Variants in CCNE2 observed in about 807,000 individuals in gnomAD.
The protein encoded by CCNE2 is G1/S-specific cyclin-E2.
Under a neutral mutation model 56.8 loss-of-function variants are expected in CCNE2, and 18 were observed. That is an observed-to-expected ratio of 0.32 (90% CI 0.22 to 0.47). The LOEUF (loss-of-function observed/expected upper bound fraction) is 0.47, where lower values mean the gene tolerates loss of function less well. Among genes scored for constraint, CCNE2 ranks in the 20% least tolerant of loss-of-function variants. CCNE2 has a pLI of 1.00. For missense variants in CCNE2, 371 were observed against 467.1 expected (o/e 0.79, Z 1.90); for synonymous variants, 139 against 149.2 (o/e 0.93, Z 0.50).
At chr8:94,884,945 T>C in intron 9 of CCNE2, 122 bp downstream of exon 9, 1 of 816,104 alleles carries the variant, frequency 1.2e-6, no homozygotes, top group East Asian at 2.7e-5. Context: ...GTCAAAAGTT[T>C]TGTTCTAGAA....
chr8:94,894,562 G>A, intron 1 of CCNE2: 1 of 297,328 alleles, frequency 3.4e-6, no homozygotes, highest in Non-Finnish European at 6.3e-6. Flanking sequence ...CCTCTCCCCC[G>A]TACACCGGGA....
intron 7 of CCNE2, among the ~76,000 whole-genome samples, 180 bp downstream of exon 7, chr8:94,887,747 A>C (rs551043505): frequency 5.2e-4 from 79 of 152,358 alleles, no homozygotes; most frequent in African/African-American, 1.8e-3. Context: ...GACATTACAG[A>C]GGGAACTATG....
rs1816761520 is a variant in CCNE2 at position 94,880,394 on chromosome 8, A to C, written c.*1238T>G. The C allele has an allele frequency of 6.2e-6, 3 of 484,918 alleles. No homozygotes were observed. Among genetic ancestry groups the C allele is most frequent in the Non-Finnish European group, 1.1e-5 (3 of 272,432 alleles). 30.0% of individuals were successfully genotyped at this position (484,918 alleles called of 1,614,324 possible). A position where few individuals can be genotyped will look rare whatever the true frequency, so the allele number is the denominator to read the frequency against. The stretch of plus-strand genomic sequence containing the variant: ...TTAGTTTAAAAACAAACTATACAGA[A>C]GACTTCATACCGTAACAATAAATGT... On this transcript the variant is annotated 3_prime_UTR_variant, in exon 12 of 12. Transcript: ENST00000308108.
At position 94,880,504 on chromosome 8, in the gene CCNE2, C is replaced by T. The variant is rs1030880828; in HGVS notation, c.*1128G>A. ...TAGTTTTCTAATCTACTTTATGAGG[C>T]TGGATTTTTTTTTTAGAAAAGCTAA... On this transcript the variant is annotated 3_prime_UTR_variant, in exon 12 of 12. Coordinates refer to ENST00000308108, the MANE Select transcript of CCNE2 (RefSeq NM_057749.3). The T allele has an allele frequency of 1.3e-4, 39 of 303,414 alleles. No homozygotes were observed. Among genetic ancestry groups the T allele is most frequent in the Non-Finnish European group, 4.7e-5 (8 of 168,782 alleles). The allele number at this position is 303,414 out of a possible 1,614,324, so 18.8% of individuals were successfully genotyped here. A position where few individuals can be genotyped will look rare whatever the true frequency, so the allele number is the denominator to read the frequency against.
At position 94,882,400 on chromosome 8, in the gene CCNE2, A is replaced by G. The variant is rs534318388; in HGVS notation, c.944-111T>C. 4.8e-6 allele frequency: 4 copies of G among 829,712 alleles called. No homozygotes were observed. In the South Asian group the frequency reaches 8.8e-5, roughly 18 times the overall value. The allele number at this position is 829,712 out of a possible 1,614,324, so 51.4% of individuals were successfully genotyped here. On this transcript the variant is annotated intron_variant, in intron 10 of 11. Transcript: ENST00000308108. Reference sequence around the variant, plus strand: ...TTTGAGATATTTTAAAAGAAACCAAATCATAACCAAGAAGTTTAGCATGTC... The same window carrying G: ...TTTGAGATATTTTAAAAGAAACCAAGTCATAACCAAGAAGTTTAGCATGTC...
In CCNE2 at chr8:94,881,252, G is replaced by T; in HGVS notation, c.*380C>A. The T allele has an allele frequency of 2.8e-6, 1 of 353,904 alleles. No individual in the cohort carries two copies. Among genetic ancestry groups the T allele is most frequent in the Admixed American group, 4.5e-5 (1 of 21,988 alleles). 21.9% of individuals were successfully genotyped at this position (353,904 alleles called of 1,614,324 possible). A position where few individuals can be genotyped will look rare whatever the true frequency, so the allele number is the denominator to read the frequency against. ...TAGATTCAAAGTACTGTATCACTTA[G>T]TATACCCTTTAAGGTAGCACTTATC... On this transcript the variant is annotated 3_prime_UTR_variant, in exon 12 of 12. Transcript: ENST00000308108.
Position 94,882,838 on chromosome 8 carries a change from G to C in CCNE2, c.886C>G (p.Leu296Val). ...IDSLEFQYRILTAAALCHFTS... is the reference protein window; with the variant it reads ...IDSLEFQYRIVTAAALCHFTS... ...AAATGGCACAAGGCAGCAGCAGTCA[G>C]TATTCTGTACTGGAACTCTAATGAA... The change falls in exon 10 of 12, where the codon CTG (leucine) becomes GTG (valine). Residue 296 changes from leucine to valine, a missense_variant. Physicochemically the swap from Leu to Val is conservative, Grantham distance 32. Coordinates refer to ENST00000308108, the MANE Select transcript of CCNE2 (RefSeq NM_057749.3). 1 of 1,613,878 alleles carries C rather than the reference G, an allele frequency of 6.2e-7. No individual in the cohort carries two copies. The highest frequency in any genetic ancestry group is 8.5e-7 in the Non-Finnish European group (1 of 1,179,860).
chr8:94,894,997 C>G (rs1186363173), intron 1 of CCNE2, among the ~76,000 whole-genome samples, 180 bp downstream of exon 1: 1 of 152,164 alleles, frequency 6.6e-6, no homozygotes, highest in African/African-American at 2.4e-5. Context: ...CATGCCCAGC[C>G]GCTTCCCGGT....
upstream of CCNE2, chr8:94,895,331 G>T: frequency 1.1e-6 from 1 of 890,296 alleles, no homozygotes; most frequent in Non-Finnish European, 1.3e-6. Flanking sequence ...CGCGCGCCGC[G>T]CCCTGCTCTC....
At chr8:94,891,642 C>T (rs964161136) in intron 5 of CCNE2, 1 of 450,364 alleles carries the variant, frequency 2.2e-6, no homozygotes, top group African/African-American at 2.3e-5. Context: ...TGGGCAACAA[C>T]AGCAAACCTC....
Position 94,892,806 on chromosome 8 carries a change from A to G in CCNE2, c.317+12T>C, listed in dbSNP as rs200858036. On this transcript the variant is annotated intron_variant, in intron 5 of 11. Coordinates refer to ENST00000308108, the MANE Select transcript of CCNE2 (RefSeq NM_057749.3). The stretch of plus-strand genomic sequence containing the variant: ...TATATCTTTGAAATAAAATTACTGA[A>G]ATTTTTCTTACCTTAAATCAGGCAA... 3.0e-6 allele frequency: 4 copies of G among 1,315,556 alleles called. No individual in the cohort carries two copies. Among genetic ancestry groups the G allele is most frequent in the Non-Finnish European group, 4.1e-6 (4 of 966,000 alleles). 81.5% of individuals were successfully genotyped at this position (1,315,556 alleles called of 1,614,324 possible). A position where few individuals can be genotyped will look rare whatever the true frequency, so the allele number is the denominator to read the frequency against.
In CCNE2 at chr8:94,892,803, T is replaced by C; in HGVS notation, c.317+15A>G. The stretch of plus-strand genomic sequence containing the variant: ...CTTTATATCTTTGAAATAAAATTAC[T>C]GAAATTTTTCTTACCTTAAATCAGG... On this transcript the variant is annotated intron_variant, in intron 5 of 11. Transcript: ENST00000308108. The C allele has an allele frequency of 1.5e-6, 2 of 1,301,678 alleles. No homozygotes were observed. The highest frequency in any genetic ancestry group is 2.1e-6 in the Non-Finnish European group (2 of 953,458). 80.6% of individuals were successfully genotyped at this position (1,301,678 alleles called of 1,614,324 possible).
rs1319860490 is a variant in CCNE2 at position 94,885,267 on chromosome 8, A to G, written c.697-66T>C. 12 of 1,454,336 alleles carry G rather than the reference A, an allele frequency of 8.3e-6. No homozygotes were observed. In the Admixed American group the frequency reaches 1.2e-4, roughly 15 times the overall value. 90.1% of individuals were successfully genotyped at this position (1,454,336 alleles called of 1,614,324 possible). ...ACACATACACCACATTATACAGCAG[A>G]GCTTAGAGGTTAAGTACATTCCCCA... is the stretch of plus-strand genomic sequence containing the variant. On this transcript the variant is annotated intron_variant, in intron 8 of 11. Coordinates refer to ENST00000308108, the MANE Select transcript of CCNE2 (RefSeq NM_057749.3).
chr8:94,895,794 T>C (rs1256993219), upstream of CCNE2: 2 of 152,320 alleles, frequency 1.3e-5, no homozygotes, highest in Non-Finnish European at 2.9e-5. Flanking sequence ...CTGCAGAATG[T>C]AAACACCACT....
At chr8:94,884,718 A>C (rs569194153) in intron 9 of CCNE2, 11 of 164,048 alleles carry the variant, frequency 6.7e-5, no homozygotes, top group Non-Finnish European at 1.3e-4. Flanking sequence ...CTTGATAGGC[A>C]CTCTGTGTAT....
intron 9 of CCNE2, among the ~76,000 whole-genome samples, chr8:94,884,100 C>T (rs1404287372): frequency 2.0e-5 from 3 of 150,590 alleles, no homozygotes; most frequent in Non-Finnish European, 4.4e-5. Flanking sequence ...TAAAATAAAC[C>T]AATTTCAGTA....
rs748785965 is a variant in CCNE2, at chr8:94,880,240, T to TA, written c.*1391dup. ...TGGCAAAACTTTACTTTTAAGCAGT[T>TA]AAATTTTTTTAACTTTTATTTTTTA... On this transcript the variant is annotated 3_prime_UTR_variant, in exon 12 of 12. Coordinates refer to ENST00000308108, the MANE Select transcript of CCNE2 (RefSeq NM_057749.3). The TA allele has an allele frequency of 2.0e-6, 3 of 1,500,948 alleles. No homozygotes were observed. The African/African-American group carries it at 4.2e-5, about 21-fold the overall frequency. 93.0% of individuals were successfully genotyped at this position (1,500,948 alleles called of 1,614,324 possible). A position where few individuals can be genotyped will look rare whatever the true frequency, so the allele number is the denominator to read the frequency against.
chr8:94,887,559 GCATTT>G (rs1212073748), intron 7 of CCNE2, among the ~76,000 whole-genome samples: 1 of 152,072 alleles, frequency 6.6e-6, no homozygotes, highest in African/African-American at 2.4e-5. Context: ...AACACAGTAT[GCATTT>G]CATTTCATTT....
intron 5 of CCNE2, 39 bp from the exon 6 acceptor site, chr8:94,890,589 A>ATG: frequency 3.8e-6 from 2 of 520,756 alleles, no homozygotes; most frequent in Admixed American, 1.6e-4. Context: ...ATATATATAT[A>ATG]TATTTTTTTT....
Sources: gnomAD v4.1 joint callset for allele counts (sites outside exome capture counted in the v4.1 genomes callset) on GRCh38, gnomAD v4.1.1 for gene constraint, MANE v1.5 for transcripts, NCBI Gene and HGNC (gene_info 2026-07-23, HGNC 2026-07-21) for gene names.